PTPRS: variants seen among roughly 807,000 people sequenced by gnomAD.
PTPRS encodes the protein receptor-type tyrosine-protein phosphatase S.
In PTPRS, 63 loss-of-function variants were observed where a neutral mutation model predicts 215.3. The ratio of observed to expected loss-of-function variants is 0.29; its 90% CI spans 0.24 to 0.36. The LOEUF (loss-of-function observed/expected upper bound fraction) is 0.36, where lower values mean the gene tolerates loss of function less well. Among genes scored for constraint, PTPRS ranks in the 10% least tolerant of loss-of-function variants. The pLI is 1.00. For missense variants in PTPRS, 2,258 were observed against 2,825.8 expected, an observed-to-expected ratio of 0.80 and a Z score of 4.56; for synonymous variants, 1,404 against 1,191.4, an observed-to-expected ratio of 1.18 and a Z score of -3.68.
intron 30 of PTPRS, among the ~76,000 whole-genome samples, chr19:5,213,153 C>T (rs1237312129): frequency 6.6e-6 from 1 of 152,228 alleles, no homozygotes; most frequent in African/African-American, 2.4e-5. Context: ...TCCATGTTCT[C>T]CATGCAGGCC....
In PTPRS at chr19:5,287,916, AAG is replaced by A. The variant is rs1245684571; in HGVS notation, c.-94-1684_-94-1683del. On this transcript the variant is annotated intron_variant, in intron 1 of 37. Coordinates refer to ENST00000262963, the MANE Select transcript of PTPRS (RefSeq NM_002850.4). This position sits in a 1 kb window ranked among gnomAD's most constrained non-coding sequence, Gnocchi z 4.8. ...AGACTGCAAGCGGTTGCATATCTGC[AAG>A]AGACACAGAAACAAATGCATTCACA... Among the ~76,000 whole-genome samples, 1 of 150,160 alleles carries A rather than the reference AAG, an allele frequency of 6.7e-6. No homozygotes were observed. The highest frequency in any genetic ancestry group is 2.4e-5 in the African/African-American group (1 of 40,942).
rs2040739170 is a variant in PTPRS, at chr19:5,210,176, C to T, written c.5487+293G>A. ...CAAGTCCCTTTCAGCCCTTTAACAT[C>T]ATCCTCCACAGGTGGCTGCTTCCAG... On this transcript the variant is annotated intron_variant, in intron 35 of 37. Transcript: ENST00000262963. The surrounding 1 kb of genome is among the most constrained non-coding windows in gnomAD (Gnocchi z 4.5). Among the ~76,000 whole-genome samples the T allele has an allele frequency of 6.6e-6, 1 of 152,214 alleles. No individual in the cohort carries two copies. Among genetic ancestry groups the T allele is most frequent in the Non-Finnish European group, 1.5e-5 (1 of 68,036 alleles).
chr19:5,223,745 A>G (rs555563408), intron 17 of PTPRS, among the ~76,000 whole-genome samples: 2 of 150,894 alleles, frequency 1.3e-5, no homozygotes, highest in Non-Finnish European at 3.0e-5. Context: ...TATTTTTAGT[A>G]GAGATGGGGT....
chr19:5,210,796 C>T lies in PTPRS; in HGVS notation c.5244G>A (p.Lys1748=), dbSNP rs559423637. 7.9e-5 allele frequency: 128 copies of T among 1,613,646 alleles called. No individual in the cohort carries two copies. Among genetic ancestry groups the T allele is most frequent in the Non-Finnish European group, 1.0e-4 (123 of 1,180,012 alleles). ...ASFIDGYRQQ[K]AYIATQGPLA... The stretch of plus-strand genomic sequence containing the variant: ...GCGGCCCCTGTGTCGCGATGTAGGC[C>T]TTCTGCTGCCTGCAGGCGTTGGGGG... The change falls in exon 34 of 38, where the codon AAG becomes AAA. Residue 1748 remains lysine, a synonymous_variant. Transcript: ENST00000262963. This position sits in a 1 kb window ranked among gnomAD's most constrained non-coding sequence, Gnocchi z 4.5.
chr19:5,289,255 A>AG lies in PTPRS; in HGVS notation c.-94-3022dup, dbSNP rs140101577. Among the ~76,000 whole-genome samples the AG allele has an allele frequency of 7.1e-4, 108 of 152,218 alleles. 1 individual carries two copies. Among genetic ancestry groups the AG allele is most frequent in the African/African-American group, 2.4e-3 (100 of 41,538 alleles). On this transcript the variant is annotated intron_variant, in intron 1 of 37. Transcript: ENST00000262963. ...CGAGGATTTGGGAGAGAAGATCCCT[A>AG]GGTCCCATCAGCTCTGCCTTCAGAA...
At chr19:5,281,517 T>A (rs1345819883) in intron 2 of PTPRS, among the ~76,000 whole-genome samples, 1 of 152,080 alleles carries the variant, frequency 6.6e-6, no homozygotes, top group Non-Finnish European at 1.5e-5. Context: ...GCACTGGAAT[T>A]TGAACCCGGG....
chr19:5,261,694 A>T (rs1236379371), intron 6 of PTPRS, among the ~76,000 whole-genome samples: 1 of 152,208 alleles, frequency 6.6e-6, no homozygotes, highest in Non-Finnish European at 1.5e-5. Context: ...AGACGGGCCA[A>T]CTGAGGCTCA....
Position 5,214,496 on chromosome 19 carries a change from G to C in PTPRS, c.4495-16C>G, listed in dbSNP as rs2041233249. The C allele has an allele frequency of 7.4e-6, 12 of 1,613,890 alleles. No homozygotes were observed. The South Asian group carries it at 9.9e-5, about 13-fold the overall frequency. ...CACACTTGATCTGTATCGGGCAAGA[G>C]AACAGGTGTCAGCAGGGACAGGCTG... is the stretch of plus-strand genomic sequence containing the variant. On this transcript the variant is annotated splice_polypyrimidine_tract_variant and intron_variant, in intron 29 of 37. Coordinates refer to ENST00000262963, the MANE Select transcript of PTPRS (RefSeq NM_002850.4).
chr19:5,237,854 G>T lies in PTPRS; in HGVS notation c.1849+1065C>A, dbSNP rs1278937746. Among the ~76,000 whole-genome samples, 1 of 152,130 alleles carries T rather than the reference G, an allele frequency of 6.6e-6. No homozygotes were observed. The highest frequency in any genetic ancestry group is 2.4e-5 in the African/African-American group (1 of 41,450). On this transcript the variant is annotated intron_variant, in intron 13 of 37. Transcript: ENST00000262963. This position sits in a 1 kb window ranked among gnomAD's most constrained non-coding sequence, Gnocchi z 4.2. ...AGGAAGGAGGGAAGGGGGCCGGCGG[G>T]GGCAGGGGGGTTGTGTCTCCGAGGC...
At position 5,221,259 on chromosome 19, in the gene PTPRS, G is replaced by T; in HGVS notation, c.3202-6C>A. On this transcript the variant is annotated splice_polypyrimidine_tract_variant and splice_region_variant and intron_variant, in intron 19 of 37. Transcript: ENST00000262963. ...GTGAGCCCATTGTACTGGATCTGCG[G>T]ACCAGGGCTAGCTCAGCAGGGCCTG... The T allele has an allele frequency of 6.2e-7, 1 of 1,609,358 alleles. No homozygotes were observed.
At chr19:5,323,445 G>C (rs1429946336) in intron 1 of PTPRS, among the ~76,000 whole-genome samples, 1 of 152,236 alleles carries the variant, frequency 6.6e-6, no homozygotes, top group East Asian at 1.9e-4. Context: ...CAGGAAACTA[G>C]GTGGTGGGGC....
chr19:5,222,623 G>A, intron 18 of PTPRS, 66 bp downstream of exon 18: 2 of 1,425,276 alleles, frequency 1.4e-6, no homozygotes, highest in Non-Finnish European at 1.8e-6. Context: ...GGAGAGGGAG[G>A]GGGCTGGGGT....
chr19:5,328,329 C>A (rs2050225287), intron 1 of PTPRS, among the ~76,000 whole-genome samples: 1 of 152,004 alleles, frequency 6.6e-6, no homozygotes, highest in Non-Finnish European at 1.5e-5. Flanking sequence ...AGGTTGGTCT[C>A]AAACTCCTGA....
At chr19:5,337,771 T>C (rs2050552843) in intron 1 of PTPRS, among the ~76,000 whole-genome samples, 1 of 152,112 alleles carries the variant, frequency 6.6e-6, no homozygotes, top group Non-Finnish European at 1.5e-5. Flanking sequence ...AGCTTCCCCC[T>C]GTTCCATGGT....
At chr19:5,222,377 G>C (rs568883589) in intron 18 of PTPRS, among the ~76,000 whole-genome samples, 157 bp from the exon 19 acceptor site, 1 of 151,340 alleles carries the variant, frequency 6.6e-6, no homozygotes, top group East Asian at 2.0e-4. Context: ...CCCTGGCCCG[G>C]CCCTGCCCTG....
At chr19:5,223,411 G>C (rs535299329) in intron 17 of PTPRS, 114 bp from the exon 18 acceptor site, 4 of 1,268,034 alleles carry the variant, frequency 3.2e-6, no homozygotes, top group Non-Finnish European at 3.1e-6. Flanking sequence ...TTTTGAGTTG[G>C]GGGGGGTCTT....
chr19:5,281,245 G>T (rs941052011), intron 2 of PTPRS, among the ~76,000 whole-genome samples: 1 of 152,006 alleles, frequency 6.6e-6, no homozygotes, highest in African/African-American at 2.4e-5. Context: ...AGGATCAACT[G>T]AGGTCAGGAG....
intron 1 of PTPRS, among the ~76,000 whole-genome samples, chr19:5,313,164 G>A (rs553680357): frequency 1.3e-5 from 2 of 152,174 alleles, no homozygotes; most frequent in South Asian, 2.1e-4. Context: ...TGATCCGCCC[G>A]ACTCAGCCTC....
intron 1 of PTPRS, among the ~76,000 whole-genome samples, chr19:5,326,982 T>A (rs1275766190): frequency 1.3e-5 from 2 of 152,160 alleles, no homozygotes; most frequent in African/African-American, 4.8e-5. Context: ...GAGTCACAAC[T>A]GACCCTCCAC....
Sources: allele counts gnomAD v4.1 joint callset (sites outside exome capture counted in the v4.1 genomes callset), GRCh38; gene constraint gnomAD v4.1.1; non-coding constraint Gnocchi (gnomAD v3.1); transcripts MANE v1.5; gene names NCBI Gene and HGNC (gene_info 2026-07-23, HGNC 2026-07-21).